The following ERI3 variants were observed in gnomAD, a reference collection of about 807,000 sequenced individuals.
ERI3 encodes the protein ERI1 exoribonuclease family member 3.
ERI3 carries 18 observed loss-of-function variants against 44.4 expected under a neutral mutation model. The ratio of observed to expected loss-of-function variants is 0.41; its 90% CI spans 0.28 to 0.60. The LOEUF is 0.60. Ranked by LOEUF, ERI3 falls within the 20% of genes least tolerant of loss-of-function variation. The probability of loss-of-function intolerance (pLI) is 0.36; values close to 1 mark genes in which losing one functional copy is unlikely to be tolerated. For synonymous variants in ERI3, 183 were observed against 164.8 expected, an observed-to-expected ratio of 1.11 and a Z score of -0.84; for missense variants, 294 against 435.5, an observed-to-expected ratio of 0.68 and a Z score of 2.89.
chr1:44,282,101 A>G (rs1405571135), intron 7 of ERI3, among the ~76,000 whole-genome samples: 1 of 152,170 alleles, frequency 6.6e-6, no homozygotes, highest in African/African-American at 2.4e-5. Context: ...AGTAGGTGGC[A>G]GCAGGAGATG....
intron 2 of ERI3, among the ~76,000 whole-genome samples, chr1:44,346,532 A>C (rs1646786680): frequency 6.6e-6 from 1 of 152,190 alleles, no homozygotes; most frequent in Non-Finnish European, 1.5e-5. Context: ...GAAGGGGCAA[A>C]GCCTTGCTTC....
intron 3 of ERI3, among the ~76,000 whole-genome samples, chr1:44,329,754 A>G (rs1384698664): frequency 1.3e-5 from 2 of 152,192 alleles, no homozygotes; most frequent in Non-Finnish European, 2.9e-5. Context: ...GAACTCAACT[A>G]TAACAGCTCT....
chr1:44,282,613 C>A (rs994128536), intron 7 of ERI3, among the ~76,000 whole-genome samples: 7 of 152,180 alleles, frequency 4.6e-5, no homozygotes, highest in African/African-American at 1.7e-4. Flanking sequence ...GACTCAGCAG[C>A]CTCTATGTCC....
At chr1:44,322,883 G>A in intron 3 of ERI3, 1 of 1,541,968 alleles carries the variant, frequency 6.5e-7, no homozygotes, top group Non-Finnish European at 8.8e-7. Context: ...AAGATTTTTA[G>A]CTGATAATGA....
At position 44,289,558 on chromosome 1, in the gene ERI3, T is replaced by C. The variant is rs114212036; in HGVS notation, c.759-4651A>G. Among the ~76,000 whole-genome samples the C allele has an allele frequency of 2.6e-3, 396 of 152,220 alleles. 4 individuals are homozygous for C. The highest frequency in any genetic ancestry group is 8.9e-3 in the African/African-American group (371 of 41,546). ...CCTACTTAGAAAGAAGAGAACAATA[T>C]AGAGGAAACAGGGGTGTAAGAAACT... On this transcript the variant is annotated intron_variant, in intron 6 of 8. Coordinates refer to ENST00000372257, the MANE Select transcript of ERI3 (RefSeq NM_024066.3).
At chr1:44,226,297 C>T (rs1644036320) in intron 8 of ERI3, among the ~76,000 whole-genome samples, 1 of 151,836 alleles carries the variant, frequency 6.6e-6, no homozygotes, top group South Asian at 2.1e-4. Context: ...AAATGCTAAA[C>T]TAAGGAGCTT....
chr1:44,297,828 C>T (rs1226005827), intron 6 of ERI3, among the ~76,000 whole-genome samples: 1 of 152,236 alleles, frequency 6.6e-6, no homozygotes, highest in East Asian at 1.9e-4. Context: ...TTAATTCTCT[C>T]CTCTCACAGA....
In ERI3 at chr1:44,239,325, ACT is replaced by A. The variant is rs1644382020; in HGVS notation, c.931+8612_931+8613del. ...TGTGACACTGCTGTGGGGCTGCAAG[ACT>A]CTGCATTATCTCCATCTTGTGGCAA... On this transcript the variant is annotated intron_variant, in intron 8 of 8. Transcript: ENST00000372257. Among the ~76,000 whole-genome samples the A allele has an allele frequency of 3.3e-5, 5 of 152,078 alleles. No homozygotes were observed. In the South Asian group the frequency reaches 1.0e-3, roughly 32 times the overall value.
chr1:44,301,829 G>A (rs916626775), intron 6 of ERI3, among the ~76,000 whole-genome samples: 1 of 152,224 alleles, frequency 6.6e-6, no homozygotes, highest in Non-Finnish European at 1.5e-5. Context: ...ACTTGGAAAG[G>A]TCACCCTGCA....
At chr1:44,277,406 C>T (rs1320422786) in intron 7 of ERI3, among the ~76,000 whole-genome samples, 1 of 152,180 alleles carries the variant, frequency 6.6e-6, no homozygotes, top group Non-Finnish European at 1.5e-5. Context: ...AAACAAAACC[C>T]GCTTTAACCC....
At chr1:44,310,963 G>GCGCGCGCGCGCGCGCACA (rs1373873768) in intron 5 of ERI3, among the ~76,000 whole-genome samples, 48 of 123,256 alleles carry the variant, frequency 3.9e-4, no homozygotes, top group Non-Finnish European at 5.6e-4. Context: ...GCGCGCGCGC[G>GCGCGCGCGCGCGCGCACA]CACACACACA....
rs1254516093 is a variant in ERI3 at position 44,247,790 on chromosome 1, C to T, written c.931+149G>A. On this transcript the variant is annotated intron_variant, in intron 8 of 8. Transcript: ENST00000372257. ...GTCCCATTCAGTAATTTTCTCATGC[C>T]ACCCCCCTTCCACCATCCCCCCACC... 1.1e-5 allele frequency: 6 copies of T among 569,066 alleles called. No individual in the cohort carries two copies. In the Admixed American group the frequency reaches 1.9e-4, roughly 18 times the overall value. The allele number at this position is 569,066 out of a possible 1,614,324, so 35.3% of individuals were successfully genotyped here. A position where few individuals can be genotyped will look rare whatever the true frequency, so the allele number is the denominator to read the frequency against.
At chr1:44,258,188 T>C (rs1306264288) in intron 7 of ERI3, among the ~76,000 whole-genome samples, 1 of 152,216 alleles carries the variant, frequency 6.6e-6, no homozygotes, top group South Asian at 2.1e-4. Context: ...CTCTCAGAAG[T>C]TGGACAGGCC....
intron 8 of ERI3, among the ~76,000 whole-genome samples, chr1:44,231,535 CTTT>C (rs1010492408): frequency 3.8e-4 from 57 of 151,820 alleles, no homozygotes; most frequent in African/African-American, 1.3e-3. Flanking sequence ...CCATGCCTGG[CTTT>C]TTTTTGTGTG....
At chr1:44,291,800 G>A (rs1330156926) in intron 6 of ERI3, among the ~76,000 whole-genome samples, 4 of 152,202 alleles carry the variant, frequency 2.6e-5, no homozygotes, top group Non-Finnish European at 4.4e-5. Context: ...AGGAGGAGAG[G>A]AGCCTGGCCT....
Position 44,228,093 on chromosome 1 carries a change from G to A in ERI3, c.932-6453C>T, listed in dbSNP as rs534492065. On this transcript the variant is annotated intron_variant, in intron 8 of 8. Transcript: ENST00000372257. The surrounding 1 kb of genome is among the most constrained non-coding windows in gnomAD (Gnocchi z 4.3). ...CACAGTCCCCTGCGCCCCCATTCAC[G>A]GCCACCTTGGCCCACCCGACCCACT... is the stretch of plus-strand genomic sequence containing the variant. Among the ~76,000 whole-genome samples the A allele has an allele frequency of 2.7e-5, 4 of 147,838 alleles. No homozygotes were observed. The highest frequency in any genetic ancestry group is 2.2e-4 in the South Asian group (1 of 4,600).
chr1:44,334,112 G>T (rs1447937588), intron 3 of ERI3, among the ~76,000 whole-genome samples: 2 of 152,230 alleles, frequency 1.3e-5, no homozygotes, highest in Admixed American at 1.3e-4. Context: ...GAGGACTTGG[G>T]GAGGAAAGTG....
intron 6 of ERI3, among the ~76,000 whole-genome samples, chr1:44,299,783 T>C (rs1052697600): frequency 2.6e-5 from 4 of 152,154 alleles, no homozygotes; most frequent in Middle Eastern, 3.2e-3. Flanking sequence ...CTCTATTCCA[T>C]GCCAGGTGAG....
Position 44,228,854 on chromosome 1 carries a change from A to G in ERI3, c.932-7214T>C, listed in dbSNP as rs1017112041. ...CAGATTTGGCGAGGCAAAGGACATG[A>G]TTGGTCCCAAATGCCAAAGATGATA... On this transcript the variant is annotated intron_variant, in intron 8 of 8. Coordinates refer to ENST00000372257, the MANE Select transcript of ERI3 (RefSeq NM_024066.3). The surrounding 1 kb of genome is among the most constrained non-coding windows in gnomAD (Gnocchi z 4.3). Among the ~76,000 whole-genome samples the G allele has an allele frequency of 2.6e-5, 4 of 152,242 alleles. No individual in the cohort carries two copies. Among genetic ancestry groups the G allele is most frequent in the African/African-American group, 9.6e-5 (4 of 41,454 alleles).
Sources: gnomAD v4.1 joint callset for allele counts (sites outside exome capture counted in the v4.1 genomes callset) on GRCh38, gnomAD v4.1.1 for gene constraint, Gnocchi (gnomAD v3.1) non-coding constraint, MANE v1.5 for transcripts, NCBI Gene and HGNC (gene_info 2026-07-23, HGNC 2026-07-21) for gene names.